The following TTC39C variants were observed in gnomAD, a reference collection of about 807,000 sequenced individuals.
TTC39C encodes the protein tetratricopeptide repeat protein 39C.
TTC39C carries 33 observed loss-of-function variants against 76.3 expected under a neutral mutation model. The ratio of observed to expected loss-of-function variants is 0.43; its 90% CI spans 0.33 to 0.58. TTC39C has a LOEUF of 0.58. Ranked by LOEUF, TTC39C falls within the 20% of genes least tolerant of loss-of-function variation. The pLI is 0.04. For missense variants in TTC39C, 595 were observed against 701.4 expected (o/e 0.85, Z 1.71); for synonymous variants, 254 against 260.6 (o/e 0.97, Z 0.24).
upstream of TTC39C, among the ~76,000 whole-genome samples, chr18:24,012,271 C>G (rs2083399275): frequency 6.6e-6 from 1 of 152,200 alleles, no homozygotes; most frequent in South Asian, 2.1e-4. Flanking sequence ...CAATTTTGCA[C>G]ATATCTGGTG....
At chr18:24,015,083 C>G (rs1313277455) in intron 1 of TTC39C, 45 bp downstream of exon 1, 29 of 1,369,438 alleles carry the variant, frequency 2.1e-5, no homozygotes, top group Non-Finnish European at 2.7e-5. Flanking sequence ...GCGCGCACCT[C>G]GTGTCCGGCT....
intron 1 of TTC39C, among the ~76,000 whole-genome samples, chr18:24,063,514 CT>C (rs541055847): frequency 1.1e-3 from 153 of 135,980 alleles, no homozygotes; most frequent in African/African-American, 2.6e-3. Flanking sequence ...TTGTTTCTAC[CT>C]TTTTTTTTTT....
chr18:24,043,377 T>G (rs1262818511), intron 1 of TTC39C, among the ~76,000 whole-genome samples: 1 of 152,140 alleles, frequency 6.6e-6, no homozygotes, highest in Non-Finnish European at 1.5e-5. Context: ...ACAAAAAAGC[T>G]AATCAGTGAC....
chr18:24,001,829 T>TC (rs764404533), intron 1 of TTC39C, among the ~76,000 whole-genome samples: 21 of 44,566 alleles, frequency 4.7e-4, no homozygotes, highest in Non-Finnish European at 1.7e-3. Context: ...TTCTGTTTTT[T>TC]TTTTTTTTTT....
chr18:24,092,453 A>G (rs1468870504), intron 6 of TTC39C, among the ~76,000 whole-genome samples: 1 of 152,240 alleles, frequency 6.6e-6, no homozygotes, highest in Non-Finnish European at 1.5e-5. Context: ...ATTATTATCC[A>G]TAATAGCCAA....
chr18:24,074,878 A>G (rs1241461096), intron 4 of TTC39C, among the ~76,000 whole-genome samples: 1 of 152,194 alleles, frequency 6.6e-6, no homozygotes, highest in Non-Finnish European at 1.5e-5. Context: ...ACTATTCACA[A>G]TAGCAAAGAC....
In TTC39C at chr18:24,060,313, G is replaced by GTTTT. The variant is rs1294806136; in HGVS notation, c.168-3808_168-3805dup. 9.9e-4 allele frequency among the ~76,000 whole-genome samples: 88 copies of GTTTT among 89,242 alleles called. 1 individual carries two copies. Among genetic ancestry groups the GTTTT allele is most frequent in the East Asian group, 8.8e-3 (25 of 2,842 alleles). The allele number at this position is 89,242 out of a possible 152,430, so 58.5% of individuals were successfully genotyped here. A position where few individuals can be genotyped will look rare whatever the true frequency, so the allele number is the denominator to read the frequency against. On this transcript the variant is annotated intron_variant, in intron 1 of 13. Coordinates refer to ENST00000317571, the MANE Select transcript of TTC39C (RefSeq NM_001135993.2). The stretch of plus-strand genomic sequence containing the variant: ...TATTGTGGTTTTGATTTGCGTTTCT[G>GTTTT]TTTTTTTTTTTTTTTTTTTTTTGAG...
chr18:24,045,918 TATATATA>T (rs1568417457), intron 1 of TTC39C, among the ~76,000 whole-genome samples: 27 of 33,440 alleles, frequency 8.1e-4, no homozygotes, highest in Admixed American at 5.1e-3. Context: ...TATATATATA[TATATATA>T]TATTTTTTTT....
At chr18:24,064,061 A>G (rs1206377420) in intron 1 of TTC39C, 79 bp from the exon 2 acceptor site, 4 of 1,576,544 alleles carry the variant, frequency 2.5e-6, no homozygotes, top group Non-Finnish European at 3.5e-6. Flanking sequence ...GGTAATCATG[A>G]TATGTCAAAT....
At position 24,082,963 on chromosome 18, in the gene TTC39C, A is replaced by G; in HGVS notation, c.866A>G (p.Asp289Gly). 6.2e-7 allele frequency: 1 copy of G among 1,613,106 alleles called. No individual in the cohort carries two copies. Among genetic ancestry groups the G allele is most frequent in the South Asian group, 1.1e-5 (1 of 90,942 alleles). Reference sequence around the variant, plus strand: ...GTAGTCCGCCCGTTTTTTGCCTTGGATGGCAGTGATAACAAGGCAGGCCTG... The same window carrying G: ...GTAGTCCGCCCGTTTTTTGCCTTGGGTGGCAGTGATAACAAGGCAGGCCTG... ...HTVVRPFFALDGSDNKAGLDE... is the reference protein window; with the variant it reads ...HTVVRPFFALGGSDNKAGLDE... Residue 289 changes from aspartate to glycine, a missense_variant, in exon 6 of 14, where the codon GAT (aspartate) becomes GGT (glycine). Transcript: ENST00000317571.
chr18:24,132,029 T>C, intron 13 of TTC39C, 109 bp downstream of exon 13: 1 of 1,092,968 alleles, frequency 9.1e-7, no homozygotes, highest in Non-Finnish European at 1.3e-6. Context: ...GTTGGTAATA[T>C]TTCTGGAAAG....
intron 2 of TTC39C, 102 bp downstream of exon 2, chr18:24,064,290 CT>C (rs1333329606): frequency 7.4e-7 from 1 of 1,347,100 alleles, no homozygotes; most frequent in African/African-American, 1.5e-5. Flanking sequence ...TGTAGAAAGT[CT>C]TTTAGAGTTT....
intron 1 of TTC39C, among the ~76,000 whole-genome samples, chr18:24,061,227 T>C (rs2084094641): frequency 7.9e-6 from 1 of 127,060 alleles, no homozygotes; most frequent in African/African-American, 3.6e-5. Flanking sequence ...TTTAGTCTTC[T>C]TTTTTTTTTT....
Position 24,109,738 on chromosome 18 carries a change from C to T in TTC39C, c.985-4816C>T, listed in dbSNP as rs142508857. 7.6e-3 allele frequency among the ~76,000 whole-genome samples: 1,157 copies of T among 152,228 alleles called. 4 individuals carry two copies. The highest frequency in any genetic ancestry group is 0.012 in the Non-Finnish European group (828 of 68,014). The stretch of plus-strand genomic sequence containing the variant: ...ATTCTAAATAAGCTGGATGCAGTGG[C>T]TCATGTCTGTAATCCCAGCACTTTG... On this transcript the variant is annotated intron_variant, in intron 6 of 13. Coordinates refer to ENST00000317571, the MANE Select transcript of TTC39C (RefSeq NM_001135993.2).
Position 23,997,574 on chromosome 18 carries a change from A to G in TTC39C, c.-17+4536A>G, listed in dbSNP as rs868701063. Among the ~76,000 whole-genome samples the G allele has an allele frequency of 9.9e-3, 1,410 of 142,726 alleles. 22 individuals carry two copies. Among genetic ancestry groups the G allele is most frequent in the Middle Eastern group, 0.036 (10 of 278 alleles). The allele number at this position is 142,726 out of a possible 152,430, so 93.6% of individuals were successfully genotyped here. ...CTCAAAAAAAAAAAAAAAAAAAAAA[A>G]AGAGAAAGAAAGAAAGAAAGAGGGA... is the stretch of plus-strand genomic sequence containing the variant. On this transcript the variant is annotated intron_variant, in intron 1 of 13. Coordinates refer to the TTC39C transcript ENST00000304621.
At chr18:24,032,160 C>T (rs1442451629) in intron 1 of TTC39C, among the ~76,000 whole-genome samples, 1 of 152,162 alleles carries the variant, frequency 6.6e-6, no homozygotes, top group African/African-American at 2.4e-5. Flanking sequence ...CCTGCCGATA[C>T]CTCGATTTCA....
At chr18:24,011,715 A>G (rs2083394633), upstream of TTC39C, among the ~76,000 whole-genome samples, 1 of 152,236 alleles carries the variant, frequency 6.6e-6, no homozygotes, top group Non-Finnish European at 1.5e-5. Context: ...AAATCAAATG[A>G]AGAACCACAA....
In TTC39C at chr18:24,134,259, T is replaced by TGTTG. The variant is rs1346325065; in HGVS notation, c.*1685_*1686insGTTG. 3.4e-4 allele frequency: 12 copies of TGTTG among 35,344 alleles called. No homozygotes were observed. The South Asian group carries it at 0.01, about 30-fold the overall frequency. 2.2% of individuals were successfully genotyped at this position (35,344 alleles called of 1,614,324 possible). Reference sequence around the variant, plus strand: ...GTGCCCAAAAATATTGGACATCTGTTTTTTGTTTTTTTTTTTTTTTTTTTT... The same window carrying TGTTG: ...GTGCCCAAAAATATTGGACATCTGTTGTTGTTTTGTTTTTTTTTTTTTTTTTTTT... On this transcript the variant is annotated 3_prime_UTR_variant, in exon 14 of 14. Transcript: ENST00000317571.
intron 1 of TTC39C, among the ~76,000 whole-genome samples, chr18:24,021,423 C>A (rs1310103974): frequency 6.6e-6 from 1 of 151,948 alleles, no homozygotes; most frequent in Non-Finnish European, 1.5e-5. Context: ...CAAGTGACTG[C>A]GAATACATGT....
Sources: gnomAD v4.1 joint callset for allele counts (sites outside exome capture counted in the v4.1 genomes callset) on GRCh38, gnomAD v4.1.1 for gene constraint, MANE v1.5 for transcripts, NCBI Gene and HGNC (gene_info 2026-07-23, HGNC 2026-07-21) for gene names.